The following CNTN5 variants were observed in gnomAD, a reference collection of about 807,000 sequenced individuals.
CNTN5 encodes contactin 5, also known as contactin-5.
A neutral mutation model predicts 129.1 loss-of-function variants in CNTN5; 77 were observed. The observed-to-expected ratio is 0.60, with a 90% CI of 0.50 to 0.72. The LOEUF is 0.72. Among genes scored for constraint, CNTN5 ranks in the 30% least tolerant of loss-of-function variants. The pLI is 0.00. For missense variants in CNTN5, 1,478 were observed against 1,328.8 expected (o/e 1.11, Z -1.75); for synonymous variants, 509 against 465.6 (o/e 1.09, Z -1.20).
chr11:100,177,742 G>A, intron 13 of CNTN5, among the ~76,000 whole-genome samples: 1 of 152,154 alleles, frequency 6.6e-6, no homozygotes, highest in East Asian at 1.9e-4. Context: ...TATACGTAGA[G>A]TTTAAAGTTC....
At chr11:99,360,291 T>A (rs961434515) in intron 2 of CNTN5, among the ~76,000 whole-genome samples, 31 of 152,150 alleles carry the variant, frequency 2.0e-4, no homozygotes, top group African/African-American at 7.2e-4. Flanking sequence ...TAAAATTTCA[T>A]ACTGCATATT....
chr11:99,164,799 A>G (rs1860797923), intron 1 of CNTN5, among the ~76,000 whole-genome samples: 1 of 152,168 alleles, frequency 6.6e-6, no homozygotes, highest in Admixed American at 6.5e-5. Flanking sequence ...ATGTGTGTGC[A>G]TGTGTGTGTG....
intron 2 of CNTN5, among the ~76,000 whole-genome samples, chr11:99,395,119 T>G (rs1941454207): frequency 6.6e-6 from 1 of 151,980 alleles, no homozygotes; most frequent in African/African-American, 2.4e-5. Context: ...ATCACCTCAC[T>G]GTCTTCCATA....
intron 1 of CNTN5, among the ~76,000 whole-genome samples, chr11:99,125,787 A>C (rs754100562): frequency 3.9e-5 from 6 of 152,186 alleles, no homozygotes; most frequent in Admixed American, 6.6e-5. Context: ...TTCACTTTTA[A>C]TAGTCTTCTA....
intron 3 of CNTN5, among the ~76,000 whole-genome samples, chr11:99,641,984 C>T (rs1011912441): frequency 1.3e-5 from 2 of 152,106 alleles, no homozygotes; most frequent in Non-Finnish European, 2.9e-5. Flanking sequence ...AGCATGTGAC[C>T]TCCTCCCTTT....
chr11:99,528,718 A>C (rs1484113258), intron 2 of CNTN5, among the ~76,000 whole-genome samples: 1 of 152,206 alleles, frequency 6.6e-6, no homozygotes, highest in Non-Finnish European at 1.5e-5. Context: ...TCCAAAGGCC[A>C]GTGAGCTTTA....
At chr11:100,073,068 A>G (rs1285875482) in intron 12 of CNTN5, among the ~76,000 whole-genome samples, 1 of 136,090 alleles carries the variant, frequency 7.3e-6, no homozygotes, top group East Asian at 2.5e-4. Context: ...TTTTTCTTTG[A>G]GACAAAATCT....
chr11:99,716,469 G>A (rs74590040), intron 3 of CNTN5, among the ~76,000 whole-genome samples: 2,592 of 152,002 alleles, frequency 0.017, 78 homozygotes, highest in African/African-American at 0.058. Flanking sequence ...CCTCTGGTCA[G>A]ACCCTTGTCT....
At chr11:99,912,915 T>C (rs1238178926) in intron 6 of CNTN5, among the ~76,000 whole-genome samples, 1 of 152,018 alleles carries the variant, frequency 6.6e-6, no homozygotes, top group African/African-American at 2.4e-5. Flanking sequence ...AATTTTAGAG[T>C]CTTCGTATTG....
At chr11:100,332,006 A>G (rs573763597) in intron 21 of CNTN5, among the ~76,000 whole-genome samples, 3 of 152,074 alleles carry the variant, frequency 2.0e-5, no homozygotes, top group Non-Finnish European at 2.9e-5. Flanking sequence ...ATAAAATTGA[A>G]ACAAAAAAAG....
At chr11:99,314,687 T>C (rs1232273745) in intron 1 of CNTN5, among the ~76,000 whole-genome samples, 1 of 150,510 alleles carries the variant, frequency 6.6e-6, no homozygotes. Flanking sequence ...TAACAGTGAG[T>C]GAGAGAATAG....
At chr11:99,925,302 C>T (rs1950035758) in intron 7 of CNTN5, among the ~76,000 whole-genome samples, 2 of 152,084 alleles carry the variant, frequency 1.3e-5, no homozygotes, top group Non-Finnish European at 2.9e-5. Flanking sequence ...TATTTGCAGA[C>T]TAAACTTATT....
intron 1 of CNTN5, among the ~76,000 whole-genome samples, chr11:99,062,108 A>G (rs1436521866): frequency 6.6e-6 from 1 of 152,144 alleles, no homozygotes; most frequent in Non-Finnish European, 1.5e-5. Context: ...GGAGTTATTC[A>G]AGATGAAGAA....
At chr11:99,079,894 C>T (rs1055798326) in intron 1 of CNTN5, among the ~76,000 whole-genome samples, 2 of 152,200 alleles carry the variant, frequency 1.3e-5, no homozygotes, top group Non-Finnish European at 2.9e-5. Context: ...GCTTCTTGCA[C>T]ATGCCTGCAT....
chr11:99,521,338 T>C (rs1440788605), intron 2 of CNTN5, among the ~76,000 whole-genome samples: 1 of 152,092 alleles, frequency 6.6e-6, no homozygotes, highest in Non-Finnish European at 1.5e-5. Context: ...TGAGATCAAG[T>C]ATCTAGGTGT....
At chr11:100,056,721 G>T (rs936726689) in intron 9 of CNTN5, among the ~76,000 whole-genome samples, 2 of 151,644 alleles carry the variant, frequency 1.3e-5, no homozygotes, top group African/African-American at 4.8e-5. Flanking sequence ...AAATAAAGAG[G>T]ACATAGAGTA....
intron 3 of CNTN5, among the ~76,000 whole-genome samples, chr11:99,637,786 A>G (rs1364925147): frequency 2.6e-5 from 4 of 151,598 alleles, no homozygotes; most frequent in Non-Finnish European, 4.4e-5. Flanking sequence ...TTACTTATAT[A>G]TAATATTATC....
At chr11:99,953,277 A>C (rs1464987746) in intron 7 of CNTN5, among the ~76,000 whole-genome samples, 1 of 152,126 alleles carries the variant, frequency 6.6e-6, no homozygotes, top group African/African-American at 2.4e-5. Flanking sequence ...TCATCTTTTT[A>C]GGGGAGCAAA....
intron 1 of CNTN5, among the ~76,000 whole-genome samples, chr11:99,252,377 A>G (rs762018194): frequency 6.6e-6 from 1 of 151,982 alleles, no homozygotes; most frequent in Non-Finnish European, 1.5e-5. Context: ...CCAAAATCAC[A>G]TCTCCAAATT....
Sources: allele counts gnomAD v4.1 joint callset (sites outside exome capture counted in the v4.1 genomes callset), GRCh38; gene constraint gnomAD v4.1.1; transcripts MANE v1.5; gene names NCBI Gene and HGNC (gene_info 2026-07-23, HGNC 2026-07-21).